The following NDUFAF2 variants were observed in gnomAD, a reference collection of about 807,000 sequenced individuals.
The protein encoded by NDUFAF2 is NADH:ubiquinone oxidoreductase complex assembly factor 2.
A neutral mutation model predicts 22.8 loss-of-function variants in NDUFAF2; 13 were observed. The observed-to-expected ratio is 0.57, with a 90% confidence interval of 0.37 to 0.91. NDUFAF2 has a LOEUF of 0.91. NDUFAF2 is among the 40% of genes least tolerant of loss of function. The pLI is 0.01. For synonymous variants in NDUFAF2, 53 were observed against 64.2 expected (o/e 0.83, Z 0.84); for missense variants, 162 against 195.2 (o/e 0.83, Z 1.01).
intron 1 of NDUFAF2, among the ~76,000 whole-genome samples, chr5:60,968,826 C>G (rs965449642): frequency 4.6e-5 from 7 of 151,268 alleles, no homozygotes; most frequent in African/African-American, 1.7e-4. Flanking sequence ...TTTTTTGTAC[C>G]ACTTAACCAT....
intron 1 of NDUFAF2, among the ~76,000 whole-genome samples, chr5:61,043,202 A>G (rs1470492970): frequency 1.3e-5 from 2 of 152,154 alleles, no homozygotes; most frequent in East Asian, 3.8e-4. Flanking sequence ...CCTTGGGGAC[A>G]AGAGCAAAAC....
chr5:61,059,034 A>G, intron 1 of NDUFAF2, among the ~76,000 whole-genome samples: 1 of 152,160 alleles, frequency 6.6e-6, no homozygotes, highest in Middle Eastern at 3.4e-3. Context: ...ATAATATTCA[A>G]GTGTTATTTC....
In NDUFAF2 at chr5:61,007,276, C is replaced by G. The variant is rs576923057; in HGVS notation, c.127+61894C>G. Among the ~76,000 whole-genome samples the G allele has an allele frequency of 5.9e-5, 9 of 152,010 alleles. No homozygotes were observed. The East Asian group carries it at 1.7e-3, about 29-fold the overall frequency. On this transcript the variant is annotated intron_variant, in intron 1 of 3. Coordinates refer to ENST00000296597, the MANE Select transcript of NDUFAF2 (RefSeq NM_174889.5). ...TCTAACGTTTAAGTCTTTAATCCAT[C>G]TTGAATTAATTTTTGTATAAGGTGT...
In NDUFAF2 at chr5:61,012,744, T is replaced by C. The variant is rs532320001; in HGVS notation, c.128-60381T>C. 3.9e-5 allele frequency among the ~76,000 whole-genome samples: 6 copies of C among 152,178 alleles called. No individual in the cohort carries two copies. In the East Asian group the frequency reaches 1.2e-3, roughly 29 times the overall value. The stretch of plus-strand genomic sequence containing the variant: ...TTAAATTTTAAACAATTTTATTATT[T>C]TTGTTTAATAGAATTTTTAGCTTTT... On this transcript the variant is annotated intron_variant, in intron 1 of 3. Transcript: ENST00000296597.
intron 1 of NDUFAF2, among the ~76,000 whole-genome samples, chr5:60,957,643 A>G (rs1205877019): frequency 6.6e-6 from 1 of 152,008 alleles, no homozygotes; most frequent in East Asian, 1.9e-4. Flanking sequence ...CTGCACCCAG[A>G]CAGACCCCAG....
chr5:61,121,582 G>T (rs1007080034), intron 3 of NDUFAF2, among the ~76,000 whole-genome samples: 1 of 152,110 alleles, frequency 6.6e-6, no homozygotes, highest in African/African-American at 2.4e-5. Flanking sequence ...GGTTAATTTT[G>T]TGTCAACTTG....
chr5:61,135,638 T>C (rs1345823539), intron 3 of NDUFAF2, among the ~76,000 whole-genome samples: 2 of 152,116 alleles, frequency 1.3e-5, no homozygotes, highest in Non-Finnish European at 2.9e-5. Context: ...CATCAATCTG[T>C]GTTTTAATAA....
chr5:61,039,279 C>A (rs1255732453), intron 1 of NDUFAF2, among the ~76,000 whole-genome samples: 1 of 151,340 alleles, frequency 6.6e-6, no homozygotes, highest in African/African-American at 2.4e-5. Context: ...TGGGAAGAGA[C>A]TATATTTGTA....
chr5:61,063,409 G>A lies in NDUFAF2; in HGVS notation c.128-9716G>A, dbSNP rs536148471. ...AGCTACTCTGGAGGCTGAGGCAGGA[G>A]GATCATTTGAGACTCAGGTTGAGTC... On this transcript the variant is annotated intron_variant, in intron 1 of 3. Coordinates refer to ENST00000296597, the MANE Select transcript of NDUFAF2 (RefSeq NM_174889.5). Among the ~76,000 whole-genome samples, 3 of 152,084 alleles carry A rather than the reference G, an allele frequency of 2.0e-5. No homozygotes were observed. In the East Asian group the frequency reaches 5.8e-4, roughly 29 times the overall value.
chr5:61,091,857 T>G (rs2111756544), intron 2 of NDUFAF2, among the ~76,000 whole-genome samples: 2 of 152,314 alleles, frequency 1.3e-5, no homozygotes. Flanking sequence ...TAATCCATCT[T>G]GAGTTAATTT....
At chr5:61,068,012 A>G (rs375253863) in intron 1 of NDUFAF2, among the ~76,000 whole-genome samples, 89 of 152,274 alleles carry the variant, frequency 5.8e-4, no homozygotes, top group African/African-American at 2.1e-3. Context: ...TTAAATATAT[A>G]CAATGAAATT....
chr5:61,148,767 G>A (rs1420238131), intron 3 of NDUFAF2, among the ~76,000 whole-genome samples: 1 of 152,160 alleles, frequency 6.6e-6, no homozygotes, highest in East Asian at 1.9e-4. Context: ...AATGTGAAGA[G>A]TATACATATG....
chr5:61,096,594 T>C lies in NDUFAF2; in HGVS notation c.218-2398T>C, dbSNP rs1445636017. On this transcript the variant is annotated intron_variant, in intron 2 of 3. Coordinates refer to ENST00000296597, the MANE Select transcript of NDUFAF2 (RefSeq NM_174889.5). ...AGCCTGGCAACAGAGTGAGACACCA[T>C]TGCAAAAAAAAAAAAAAAAAAAAAT... 1.6e-4 allele frequency among the ~76,000 whole-genome samples: 15 copies of C among 93,636 alleles called. No homozygotes were observed. The East Asian group carries it at 5.0e-3, about 32-fold the overall frequency. The allele number at this position is 93,636 out of a possible 152,430, so 61.4% of individuals were successfully genotyped here.
At chr5:61,013,603 A>G (rs7731888) in intron 1 of NDUFAF2, among the ~76,000 whole-genome samples, 7,076 of 152,166 alleles carry the variant, frequency 0.047, 560 homozygotes, top group African/African-American at 0.16. Context: ...ATAACATTGA[A>G]TGTGCTTCTC....
intron 3 of NDUFAF2, among the ~76,000 whole-genome samples, chr5:61,112,251 G>A (rs190899598): frequency 3.5e-4 from 42 of 118,874 alleles, no homozygotes; most frequent in Admixed American, 6.9e-4. Context: ...GTCTCTCTCT[G>A]TCACCAGGCT....
intron 3 of NDUFAF2, among the ~76,000 whole-genome samples, chr5:61,135,297 T>TCTCGGGCAGGAAATGTACAAGGA (rs1313128894): frequency 1.3e-5 from 2 of 152,078 alleles, no homozygotes; most frequent in Non-Finnish European, 2.9e-5. Context: ...TGATGTCAAG[T>TCTCGGGCAGGAAATGTACAAGGA]CTCGGGCAGG....
chr5:61,040,460 A>T (rs1488319621), intron 1 of NDUFAF2, among the ~76,000 whole-genome samples: 1 of 152,058 alleles, frequency 6.6e-6, no homozygotes, highest in Non-Finnish European at 1.5e-5. Flanking sequence ...GAGACAATGA[A>T]TTTCTGTTAA....
At chr5:60,951,546 A>G (rs1750549017) in intron 1 of NDUFAF2, among the ~76,000 whole-genome samples, 1 of 152,198 alleles carries the variant, frequency 6.6e-6, no homozygotes, top group Non-Finnish European at 1.5e-5. Context: ...TGCATTTGTC[A>G]GGTAAACTCC....
intron 3 of NDUFAF2, among the ~76,000 whole-genome samples, chr5:61,117,578 A>G (rs1444297792): frequency 6.6e-6 from 1 of 152,044 alleles, no homozygotes; most frequent in Non-Finnish European, 1.5e-5. Context: ...TTTATCTGCA[A>G]CTGTTAGACT....
Sources: allele counts gnomAD v4.1 joint callset (sites outside exome capture counted in the v4.1 genomes callset), GRCh38; gene constraint gnomAD v4.1.1; transcripts MANE v1.5; gene names NCBI Gene and HGNC (gene_info 2026-07-23, HGNC 2026-07-21).